Variants in CENPP observed in about 807,000 individuals in gnomAD.
The protein encoded by CENPP is centromere protein P.
In CENPP, 24 loss-of-function variants were observed where a neutral mutation model predicts 35.6. That is an observed-to-expected ratio of 0.67 (90% confidence interval 0.49 to 0.95). CENPP has a LOEUF of 0.95. CENPP is among the 40% of genes least tolerant of loss of function. The pLI is 0.00. For missense variants in CENPP, 332 were observed against 345.3 expected, an observed-to-expected ratio of 0.96 and a Z score of 0.31; for synonymous variants, 120 against 125.5, an observed-to-expected ratio of 0.96 and a Z score of 0.29.
chr9:92,532,867 C>G (rs1848882896), intron 5 of CENPP, among the ~76,000 whole-genome samples: 1 of 151,836 alleles, frequency 6.6e-6, no homozygotes, highest in Admixed American at 6.6e-5. Context: ...CTTCATATAC[C>G]TGATGACCTT....
intron 4 of CENPP, among the ~76,000 whole-genome samples, chr9:92,376,531 C>A (rs1243235677): frequency 6.6e-6 from 1 of 152,084 alleles, no homozygotes; most frequent in Non-Finnish European, 1.5e-5. Flanking sequence ...AATGGGTTGC[C>A]GCTTCCACAG....
At chr9:92,505,078 A>G (rs369904047) in intron 5 of CENPP, among the ~76,000 whole-genome samples, 32 of 152,328 alleles carry the variant, frequency 2.1e-4, no homozygotes, top group African/African-American at 6.5e-4. Context: ...TTCTTTGTAC[A>G]ACACTTGTAT....
intron 5 of CENPP, among the ~76,000 whole-genome samples, chr9:92,382,548 A>G (rs1842278334): frequency 1.3e-5 from 2 of 151,940 alleles, no homozygotes; most frequent in Non-Finnish European, 2.9e-5. Context: ...TTTCTTTTTT[A>G]CCTGTGTTTT....
At chr9:92,461,362 A>G (rs1845102573) in intron 5 of CENPP, among the ~76,000 whole-genome samples, 1 of 152,206 alleles carries the variant, frequency 6.6e-6, no homozygotes, top group Admixed American at 6.5e-5. Flanking sequence ...CTTGTCTCAA[A>G]TACGTCATTT....
chr9:92,339,196 A>G (rs888520675), intron 3 of CENPP, among the ~76,000 whole-genome samples: 1 of 152,222 alleles, frequency 6.6e-6, no homozygotes, highest in South Asian at 2.1e-4. Flanking sequence ...ACTGAGTCCT[A>G]TGGACAAGCT....
At chr9:92,381,455 T>G (rs1842242072) in intron 5 of CENPP, among the ~76,000 whole-genome samples, 1 of 152,136 alleles carries the variant, frequency 6.6e-6, no homozygotes, top group African/African-American at 2.4e-5. Context: ...AGCTAATTTA[T>G]GTATTTTTCG....
chr9:92,430,009 G>C (rs956993358), intron 5 of CENPP, among the ~76,000 whole-genome samples: 12 of 152,332 alleles, frequency 7.9e-5, no homozygotes, highest in African/African-American at 2.9e-4. Context: ...GTGTGCTAGT[G>C]TGTCTGAGGG....
intron 5 of CENPP, among the ~76,000 whole-genome samples, chr9:92,490,328 C>T (rs549365340): frequency 6.6e-6 from 1 of 152,304 alleles, no homozygotes; most frequent in Non-Finnish European, 1.5e-5. Context: ...CCATGTTTCA[C>T]AGACTTTGGG....
chr9:92,448,548 C>T (rs1264873668), intron 5 of CENPP, among the ~76,000 whole-genome samples: 1 of 151,804 alleles, frequency 6.6e-6, no homozygotes, highest in Non-Finnish European at 1.5e-5. Flanking sequence ...GTCAGGGAGG[C>T]AAGGCTTGCT....
intron 5 of CENPP, among the ~76,000 whole-genome samples, chr9:92,574,448 C>G (rs560726925): frequency 2.8e-4 from 43 of 152,028 alleles, no homozygotes; most frequent in South Asian, 1.0e-3. Context: ...TGAACAATAT[C>G]TGGAAAGGAA....
intron 5 of CENPP, among the ~76,000 whole-genome samples, chr9:92,487,030 C>A (rs1382051717): frequency 6.6e-6 from 1 of 152,194 alleles, no homozygotes; most frequent in African/African-American, 2.4e-5. Context: ...GATCTGCTCG[C>A]CTCGGCCTCC....
At chr9:92,354,124 T>C (rs6479420) in intron 4 of CENPP, among the ~76,000 whole-genome samples, 67,994 of 152,114 alleles carry the variant, frequency 0.45, 17,501 homozygotes, top group African/African-American at 0.7. Context: ...CATACTGTGA[T>C]GGTGGATAAG....
intron 5 of CENPP, chr9:92,514,932 C>G: frequency 6.2e-7 from 1 of 1,613,922 alleles, no homozygotes; most frequent in Non-Finnish European, 8.5e-7. Flanking sequence ...CAGGCCTCTG[C>G]TTTCTGTCTC....
intron 5 of CENPP, among the ~76,000 whole-genome samples, chr9:92,559,461 C>A (rs951351800): frequency 7.2e-5 from 11 of 152,184 alleles, no homozygotes; most frequent in African/African-American, 2.7e-4. Context: ...GGGGCACTCA[C>A]AGTAGTTGGG....
chr9:92,447,847 T>C (rs1221484828), intron 5 of CENPP, among the ~76,000 whole-genome samples: 1 of 152,168 alleles, frequency 6.6e-6, no homozygotes, highest in Non-Finnish European at 1.5e-5. Flanking sequence ...ACAGAGTCAA[T>C]AGGGACCTTA....
intron 5 of CENPP, among the ~76,000 whole-genome samples, chr9:92,603,505 A>G (rs1176870968): frequency 2.0e-5 from 3 of 152,156 alleles, no homozygotes; most frequent in South Asian, 2.1e-4. Flanking sequence ...AGACACCCAC[A>G]GTGCCAAGTC....
chr9:92,535,087 T>C (rs1849084496), intron 5 of CENPP, among the ~76,000 whole-genome samples: 1 of 151,998 alleles, frequency 6.6e-6, no homozygotes, highest in Non-Finnish European at 1.5e-5. Flanking sequence ...GGAAACTACC[T>C]CTCTTTCTTT....
chr9:92,542,709 G>T (rs1347743862), intron 5 of CENPP, among the ~76,000 whole-genome samples: 1 of 152,152 alleles, frequency 6.6e-6, no homozygotes, highest in Non-Finnish European at 1.5e-5. Flanking sequence ...TAGAGACAAG[G>T]TTTCAGCATG....
chr9:92,510,095 A>T, intron 5 of CENPP: 1 of 1,529,024 alleles, frequency 6.5e-7, no homozygotes, highest in South Asian at 1.3e-5. Flanking sequence ...GTCACATTTC[A>T]TATAATGGTC....
Sources: gnomAD v4.1 joint callset for allele counts (sites outside exome capture counted in the v4.1 genomes callset) on GRCh38, gnomAD v4.1.1 for gene constraint, MANE v1.5 for transcripts, NCBI Gene and HGNC (gene_info 2026-07-23, HGNC 2026-07-21) for gene names.